Variants in RHD observed in about 807,000 individuals in gnomAD.
RHD encodes Rh blood group D antigen.
A neutral mutation model predicts 45.5 loss-of-function variants in RHD; 16 were observed. That is an observed-to-expected ratio of 0.35 (90% CI 0.24 to 0.53). The LOEUF (loss-of-function observed/expected upper bound fraction) is 0.53. Among genes scored for constraint, RHD ranks in the 20% least tolerant of loss-of-function variants. RHD has a pLI of 0.92. For missense variants in RHD, 306 were observed against 532.0 expected, an observed-to-expected ratio of 0.58 and a Z score of 4.18; for synonymous variants, 131 against 217.5, an observed-to-expected ratio of 0.60 and a Z score of 3.50.
chr1:25,299,695 A>G (rs1643231382), intron 3 of RHD, among the ~76,000 whole-genome samples: 1 of 132,506 alleles, frequency 7.5e-6, no homozygotes, highest in Admixed American at 7.3e-5. Context: ...ACTTTGAGTG[A>G]CATGGGAGCC....
At chr1:25,294,296 A>G (rs1642751370) in intron 3 of RHD, 1 of 1,238,716 alleles carries the variant, frequency 8.1e-7, no homozygotes, top group Admixed American at 1.8e-5. Context: ...AGGCATCCCC[A>G]TGAACATAAT....
intron 1 of RHD, among the ~76,000 whole-genome samples, chr1:25,282,689 C>T (rs1461533783): frequency 1.5e-5 from 2 of 131,374 alleles, no homozygotes; most frequent in Non-Finnish European, 3.6e-5. Flanking sequence ...CTTTGGGAGA[C>T]GGAGGTGGGT....
chr1:25,306,007 A>C lies in RHD; in HGVS notation c.940-589A>C, dbSNP rs1163386424. Among the ~76,000 whole-genome samples the C allele has an allele frequency of 1.8e-4, 24 of 131,540 alleles. 7 individuals carry two copies. The highest frequency in any genetic ancestry group is 1.5e-3 in the Admixed American group (20 of 13,534). 86.3% of individuals were successfully genotyped at this position (131,540 alleles called of 152,430 possible). ...TGGCTCACGGCTGTGTGGGAGGCTG[A>C]GTGATGGGGAGGAAGGATTACTGAG... On this transcript the variant is annotated intron_variant, in intron 6 of 9. Transcript: ENST00000328664.
intron 1 of RHD, among the ~76,000 whole-genome samples, chr1:25,274,169 C>T (rs1571563131): frequency 7.6e-6 from 1 of 132,302 alleles, no homozygotes; most frequent in East Asian, 2.0e-4. Flanking sequence ...ATTGAACCCT[C>T]ACAATAACCC....
At chr1:25,311,817 G>A (rs1644164810) in intron 7 of RHD, among the ~76,000 whole-genome samples, 1 of 131,174 alleles carries the variant, frequency 7.6e-6, no homozygotes, top group African/African-American at 2.7e-5. Flanking sequence ...CATAAACCTT[G>A]GCAGCATACA....
At chr1:25,312,920 TAAAAAAAAAAAAAAA>T (rs58027687) in intron 7 of RHD, among the ~76,000 whole-genome samples, 346 of 6,870 alleles carry the variant, frequency 0.05, 51 homozygotes, top group Admixed American at 0.34. Context: ...ATCCCATCTC[TAAAAAAAAAAAAAAA>T]AAAAAAAAAA....
intron 1 of RHD, among the ~76,000 whole-genome samples, chr1:25,282,288 G>A (rs1344082310): frequency 7.6e-6 from 1 of 131,452 alleles, no homozygotes; most frequent in African/African-American, 2.6e-5. Flanking sequence ...AGGCTGGAGT[G>A]CAGTGGTGCG....
chr1:25,277,751 C>T (rs1172525880), intron 1 of RHD, among the ~76,000 whole-genome samples: 1 of 120,906 alleles, frequency 8.3e-6, no homozygotes, highest in Non-Finnish European at 2.0e-5. Flanking sequence ...CTTGGCTCAC[C>T]GCAACCTCCA....
rs1315633936 is a variant in RHD, at chr1:25,278,530, G to A, written c.148+5835G>A. On this transcript the variant is annotated intron_variant, in intron 1 of 9. Transcript: ENST00000328664. ...ACCCAGGGTCATTCATGCATCTGCAGTTTGGGGTGGGATGGCCTCAGATGA... is the reference window on the plus strand; with the variant it reads ...ACCCAGGGTCATTCATGCATCTGCAATTTGGGGTGGGATGGCCTCAGATGA... Among the ~76,000 whole-genome samples the A allele has an allele frequency of 1.5e-5, 2 of 131,882 alleles. 1 individual carries two copies. The highest frequency in any genetic ancestry group is 3.6e-5 in the Non-Finnish European group (2 of 55,682). The allele number at this position is 131,882 out of a possible 152,430, so 86.5% of individuals were successfully genotyped here.
chr1:25,295,648 G>T (rs1448674663), intron 3 of RHD, among the ~76,000 whole-genome samples: 2 of 105,918 alleles, frequency 1.9e-5, no homozygotes, highest in Non-Finnish European at 4.5e-5. Context: ...GAGAGGGAAG[G>T]AGTTGGGTGG....
intron 3 of RHD, among the ~76,000 whole-genome samples, chr1:25,298,702 T>A (rs1643134021): frequency 7.6e-6 from 1 of 131,696 alleles, no homozygotes; most frequent in Non-Finnish European, 1.8e-5. Context: ...ATTTATTTGG[T>A]ATTTACTATA....
intron 1 of RHD, among the ~76,000 whole-genome samples, chr1:25,281,082 G>T (rs1641453546): frequency 7.5e-6 from 1 of 132,488 alleles, no homozygotes; most frequent in South Asian, 2.3e-4. Flanking sequence ...GAGGCCTAAA[G>T]AGGGTAATGG....
chr1:25,307,917 G>A, intron 7 of RHD: 1 of 970,576 alleles, frequency 1.0e-6, no homozygotes, highest in South Asian at 1.4e-5. Flanking sequence ...CTTAATAACT[G>A]TGCAATTCTA....
rs1426171023 is a variant in RHD, at chr1:25,279,053, G to A, written c.149-5520G>A. ...AGAAGGAGGGGCAAGAGTGGGAGGG[G>A]GCGCAGATCCAGAATCACGGAGGCA... is the stretch of plus-strand genomic sequence containing the variant. On this transcript the variant is annotated intron_variant, in intron 1 of 9. Coordinates refer to ENST00000328664, the MANE Select transcript of RHD (RefSeq NM_016124.6). Among the ~76,000 whole-genome samples, 16 of 129,770 alleles carry A rather than the reference G, an allele frequency of 1.2e-4. 2 individuals are homozygous for A. The highest frequency in any genetic ancestry group is 4.3e-4 in the African/African-American group (16 of 37,462). 85.1% of individuals were successfully genotyped at this position (129,770 alleles called of 152,430 possible). A position where few individuals can be genotyped will look rare whatever the true frequency, so the allele number is the denominator to read the frequency against.
rs1412372238 is a variant in RHD, at chr1:25,315,469, A to G, written c.1074-1531A>G. On this transcript the variant is annotated intron_variant, in intron 7 of 9. Transcript: ENST00000328664. ...GAGCAGCAGGGTGGCAACTCTTTTT[A>G]TCTTTTTAATTTATTTTTCTTTTCT... Among the ~76,000 whole-genome samples, 2 of 122,394 alleles carry G rather than the reference A, an allele frequency of 1.6e-5. 1 individual carries two copies. The highest frequency in any genetic ancestry group is 4.0e-4 in the East Asian group (2 of 5,014). 80.3% of individuals were successfully genotyped at this position (122,394 alleles called of 152,430 possible).
Position 25,284,633 on chromosome 1 carries a change from G to A in RHD, c.209G>A (p.Arg70Gln), listed in dbSNP as rs142925159. The change falls in exon 2 of 10, where the codon CGG becomes CAG. Residue 70 changes from arginine to glutamine, a missense_variant. Physicochemically the swap from Arg to Gln is conservative, Grantham distance 43. Transcript: ENST00000328664. ...TTGGGCTTCCTCACCTCGAGTTTCC[G>A]GAGACACAGCTGGAGCAGTGTGGCC... ...IGLGFLTSSF[R>Q]RHSWSSVAFN... The A allele has an allele frequency of 3.3e-4, 459 of 1,388,904 alleles. No individual in the cohort carries two copies. The highest frequency in any genetic ancestry group is 4.3e-4 in the Non-Finnish European group (421 of 985,474). 86.0% of individuals were successfully genotyped at this position (1,388,904 alleles called of 1,614,324 possible). A position where few individuals can be genotyped will look rare whatever the true frequency, so the allele number is the denominator to read the frequency against.
chr1:25,304,364 C>T (rs559347649), intron 6 of RHD: 4 of 123,746 alleles, frequency 3.2e-5, no homozygotes, highest in South Asian at 2.5e-4. Context: ...TTTGGGAGGC[C>T]GAGGCGGGCA....
chr1:25,321,277 A>G (rs13668), intron 8 of RHD, among the ~76,000 whole-genome samples: 9 of 123,542 alleles, frequency 7.3e-5, no homozygotes, highest in Non-Finnish European at 1.1e-4. Flanking sequence ...CTTTTACTCC[A>G]TCTGGGGAAG....
Position 25,299,830 on chromosome 1 carries a change from G to T in RHD, c.487-1116G>T, listed in dbSNP as rs1345036879. Among the ~76,000 whole-genome samples, 11 of 131,226 alleles carry T rather than the reference G, an allele frequency of 8.4e-5. 2 individuals carry two copies. Among genetic ancestry groups the T allele is most frequent in the African/African-American group, 2.9e-4 (11 of 38,052 alleles). The allele number at this position is 131,226 out of a possible 152,430, so 86.1% of individuals were successfully genotyped here. On this transcript the variant is annotated intron_variant, in intron 3 of 9. Transcript: ENST00000328664. ...AGTGGCGACATCTCAGCTCACTATA[G>T]CCTCCGCCTCCCAGGTTCCAGTGAA...
Sources: allele counts gnomAD v4.1 joint callset (sites outside exome capture counted in the v4.1 genomes callset), GRCh38; gene constraint gnomAD v4.1.1; transcripts MANE v1.5; gene names NCBI Gene and HGNC (gene_info 2026-07-23, HGNC 2026-07-21).